The following PTGES2 variants were observed in gnomAD, a reference collection of about 807,000 sequenced individuals.
PTGES2 encodes the protein GATE-binding factor 1.
PTGES2 carries 35 observed loss-of-function variants against 44.5 expected under a neutral mutation model. The observed-to-expected ratio is 0.79, with a 90% CI of 0.60 to 1.04. The LOEUF (loss-of-function observed/expected upper bound fraction) is 1.04, where lower values mean the gene tolerates loss of function less well. PTGES2 is among the 50% of genes least tolerant of loss of function. The pLI is 0.00. For synonymous variants in PTGES2, 221 were observed against 227.5 expected (o/e 0.97, Z 0.26); for missense variants, 517 against 521.4 (o/e 0.99, Z 0.08).
intron 1 of PTGES2, among the ~76,000 whole-genome samples, chr9:128,127,191 CAAAAA>C (rs59234287): frequency 8.2e-4 from 20 of 24,492 alleles, no homozygotes; most frequent in Admixed American, 5.3e-3. Context: ...ATAAACAAAC[CAAAAA>C]AAAAAAAAAA....
At chr9:128,125,140 G>C in intron 2 of PTGES2, 104 bp downstream of exon 2, 6 of 1,069,014 alleles carry the variant, frequency 5.6e-6, no homozygotes, top group Non-Finnish European at 8.1e-6. Context: ...ACAGGCACAA[G>C]GATCACAAGT....
chr9:128,124,958 G>T, intron 2 of PTGES2: 1 of 933,958 alleles, frequency 1.1e-6, no homozygotes, highest in Non-Finnish European at 1.5e-6. Flanking sequence ...CACACAGCTA[G>T]TGAGTGGGTG....
chr9:128,124,568 G>T lies in PTGES2; in HGVS notation c.478-18C>A. 1.9e-6 allele frequency: 3 copies of T among 1,612,128 alleles called. No individual in the cohort carries two copies. The South Asian group carries it at 3.3e-5, about 18-fold the overall frequency. ...AGTTGTTGCTGGAAGAGAAAAGGGTGGTTTAATCAGAGGTTGCAACCCAGC... is the reference window on the plus strand; with the variant it reads ...AGTTGTTGCTGGAAGAGAAAAGGGTTGTTTAATCAGAGGTTGCAACCCAGC... On this transcript the variant is annotated intron_variant, in intron 2 of 6. Coordinates refer to ENST00000338961, the MANE Select transcript of PTGES2 (RefSeq NM_025072.7).
At chr9:128,124,576 C>G in intron 2 of PTGES2, 26 bp from the exon 3 acceptor site, 4 of 1,610,326 alleles carry the variant, frequency 2.5e-6, no homozygotes, top group Middle Eastern at 1.7e-4. Context: ...GTGGTTTAAT[C>G]AGAGGTTGCA....
Position 128,127,710 on chromosome 9 carries a change from G to C in PTGES2, c.8C>G (p.Pro3Arg). 6 of 1,277,224 alleles carry C rather than the reference G, an allele frequency of 4.7e-6. No individual in the cohort carries two copies. The highest frequency in any genetic ancestry group is 5.9e-6 in the Non-Finnish European group (6 of 1,013,508). 79.1% of individuals were successfully genotyped at this position (1,277,224 alleles called of 1,614,324 possible). The change falls in exon 1 of 7, where the codon CCG becomes CGG. Residue 3 changes from proline to arginine, a missense_variant. Coordinates refer to ENST00000338961, the MANE Select transcript of PTGES2 (RefSeq NM_025072.7). Reference sequence around the variant, plus strand: ...CAGCGCCCGCACCACCCGCGCAGCCGGGTCCATGTTCGCTCCGCCGGCGCC... The same window carrying C: ...CAGCGCCCGCACCACCCGCGCAGCCCGGTCCATGTTCGCTCCGCCGGCGCC... MDPAARVVRALWP... is the reference protein window; with the variant it reads MDRAARVVRALWP...
At chr9:128,126,667 T>A (rs6478819) in intron 1 of PTGES2, among the ~76,000 whole-genome samples, 143,677 of 151,738 alleles carry the variant, frequency 0.95, 68,533 homozygotes, top group Non-Finnish European at 1. Flanking sequence ...GAGACCAGCT[T>A]GGCCAACATG....
At chr9:128,127,738 G>C (rs998728980), upstream of PTGES2, 3 of 1,251,868 alleles carry the variant, frequency 2.4e-6, no homozygotes, top group Non-Finnish European at 3.0e-6. Flanking sequence ...CCGGCGCCGC[G>C]GGCGGGCGCG....
At chr9:128,124,462 T>C (rs886803230) in intron 3 of PTGES2, 30 bp downstream of exon 3, 2 of 1,609,470 alleles carry the variant, frequency 1.2e-6, no homozygotes, top group Non-Finnish European at 1.7e-6. Flanking sequence ...CCAAAAGCAA[T>C]GGCCACCTGG....
At chr9:128,127,244 C>T (rs1421600183) in intron 1 of PTGES2, among the ~76,000 whole-genome samples, 195 bp downstream of exon 1, 1 of 138,150 alleles carries the variant, frequency 7.2e-6, no homozygotes, top group Non-Finnish European at 1.5e-5. Flanking sequence ...TATGAGAACT[C>T]GAACAATTCC....
Position 128,122,359 on chromosome 9 carries a change from C to G in PTGES2, c.1005+3G>C, listed in dbSNP as rs1834442098. ...AGGCACCACCTGCCACCACCACACT[C>G]ACCAAATCAGCGAGATTCGGCTTCT... On this transcript the variant is annotated splice_donor_region_variant and intron_variant, in intron 6 of 6. Coordinates refer to ENST00000338961, the MANE Select transcript of PTGES2 (RefSeq NM_025072.7). 6.2e-7 allele frequency: 1 copy of G among 1,612,460 alleles called. No individual in the cohort carries two copies. The highest frequency in any genetic ancestry group is 8.5e-7 in the Non-Finnish European group (1 of 1,178,550).
rs759105774 is a variant in PTGES2 at position 128,122,981 on chromosome 9, G to C, written c.840C>G (p.Tyr280Ter). 37 of 1,613,922 alleles carry C rather than the reference G, an allele frequency of 2.3e-5. No individual in the cohort carries two copies. The highest frequency in any genetic ancestry group is 1.3e-5 in the Non-Finnish European group (15 of 1,180,026). The change falls in exon 5 of 7, where the codon TAC becomes TAG. Residue 280 changes from tyrosine to a stop codon, truncating the protein, a stop_gained. Transcript: ENST00000338961. LOFTEE classifies it high-confidence loss of function. ...FGAVEGAVAK[Y>*]MGAAAMYLIS... ...TGAGGTACATGGCCGCTGCACCCAT[G>C]TACTTGGCCACGGCACCCTCCACGG...
In PTGES2 at chr9:128,123,839, T is replaced by C; in HGVS notation, c.549A>G (p.Glu183=). The change falls in exon 4 of 7, where the codon GAA becomes GAG. Residue 183 remains glutamate (E), a synonymous_variant. Transcript: ENST00000338961. This position sits in a 1 kb window ranked among gnomAD's most constrained non-coding sequence, Gnocchi z 4.4. ...KTYLVSGQPL[E]EIITYYPAMK... is the part of the protein sequence containing the mutation. ...TGGCTGGGTAGTAGGTGATGATCTC[T>C]TCCAGGGGCTGCCTTCGGAGAGAGC... 6.2e-7 allele frequency: 1 copy of C among 1,613,384 alleles called. No individual in the cohort carries two copies. The highest frequency in any genetic ancestry group is 8.5e-7 in the Non-Finnish European group (1 of 1,179,484).
Position 128,121,003 on chromosome 9 carries a change from A to G in PTGES2, c.*142T>C, listed in dbSNP as rs558696738. 117 of 1,097,300 alleles carry G rather than the reference A, an allele frequency of 1.1e-4. No individual in the cohort carries two copies. The East Asian group carries it at 3.0e-3, about 28-fold the overall frequency. The allele number at this position is 1,097,300 out of a possible 1,614,324, so 68.0% of individuals were successfully genotyped here. A position where few individuals can be genotyped will look rare whatever the true frequency, so the allele number is the denominator to read the frequency against. ...GCCCCAGCAGGTGCCCTGTGTTAGA[A>G]GCGAGAGGGCTGGTGGGGGTGCGTG... On this transcript the variant is annotated 3_prime_UTR_variant, in exon 7 of 7. Coordinates refer to ENST00000338961, the MANE Select transcript of PTGES2 (RefSeq NM_025072.7).
In PTGES2 at chr9:128,123,744, T is replaced by A. The variant is rs1382907873; in HGVS notation, c.644A>T (p.Glu215Val). 2.5e-6 allele frequency: 4 copies of A among 1,613,946 alleles called. No individual in the cohort carries two copies. Among genetic ancestry groups the A allele is most frequent in the Non-Finnish European group, 3.4e-6 (4 of 1,179,948 alleles). ...FGNKYWLMLN[E>V]KEAQQVYGGK... ...ACCATACACTTGCTGGGCCTCCTTC[T>A]CGTTGAGCATGAGCCAGTACTTATT... is the stretch of plus-strand genomic sequence containing the variant. The change falls in exon 4 of 7, where the codon GAG (glutamate) becomes GTG (valine). Residue 215 changes from glutamate (E) to valine (V), a missense_variant. By Grantham distance (121) the Glu-to-Val change is moderately radical (BLOSUM62 -2). Transcript: ENST00000338961. The surrounding 1 kb of genome is among the most constrained non-coding windows in gnomAD (Gnocchi z 4.4).
chr9:128,126,366 G>C (rs73669643), intron 1 of PTGES2, among the ~76,000 whole-genome samples: 8 of 152,168 alleles, frequency 5.3e-5, no homozygotes, highest in East Asian at 3.9e-4. Flanking sequence ...TCACCACTTG[G>C]GGGGGGCACC....
chr9:128,122,586 C>A (rs1834457650), intron 5 of PTGES2, 107 bp from the exon 6 acceptor site: 2 of 915,170 alleles, frequency 2.2e-6, no homozygotes, highest in Non-Finnish European at 1.7e-6. Context: ...CAGGACGGCA[C>A]CCCAGGTGAG....
Position 128,121,222 on chromosome 9 carries a change from G to A in PTGES2, c.1057C>T (p.Leu353=), listed in dbSNP as rs780619378. Residue 353 remains leucine, a synonymous_variant, in exon 7 of 7, where the codon CTG becomes TTG. Transcript: ENST00000338961. The part of the protein sequence containing the change: ...VMEGLDAFDD[L]MQHTHIQPWY... ...GGCTGGATGTGCGTGTGCTGCATCA[G>A]GTCATCGAACGCATCCAGCCCCTCC... The A allele has an allele frequency of 3.7e-6, 6 of 1,603,372 alleles. No individual in the cohort carries two copies. Among genetic ancestry groups the A allele is most frequent in the Admixed American group, 1.7e-5 (1 of 58,678 alleles).
chr9:128,128,198 C>T (rs570961736), upstream of PTGES2: 3 of 390,782 alleles, frequency 7.7e-6, no homozygotes, highest in Admixed American at 6.0e-5. Context: ...TGCCCTCCCG[C>T]CTCATTGTCC....
chr9:128,122,390 C>T lies in PTGES2; in HGVS notation c.977G>A (p.Gly326Glu). Residue 326 changes from glycine (G) to glutamate (E), a missense_variant, in exon 6 of 7, where the codon GGG becomes GAG. By Grantham distance (98) the Gly-to-Glu change is moderately conservative. Coordinates refer to ENST00000338961, the MANE Select transcript of PTGES2 (RefSeq NM_025072.7). Reference protein sequence around the residue: ...AAVGKDRPFMGGQKPNLADLA... With the variant: ...AAVGKDRPFMEGQKPNLADLA... ...ATCAGCGAGATTCGGCTTCTGGCCC[C>T]CCATGAAGGGCCGGTCCTTGCCCAC... 1 of 1,614,180 alleles carries T rather than the reference C, an allele frequency of 6.2e-7. No individual in the cohort carries two copies. Among genetic ancestry groups the T allele is most frequent in the Non-Finnish European group, 8.5e-7 (1 of 1,179,988 alleles).
Sources: allele counts gnomAD v4.1 joint callset (sites outside exome capture counted in the v4.1 genomes callset), GRCh38; gene constraint gnomAD v4.1.1; non-coding constraint Gnocchi (gnomAD v3.1); transcripts MANE v1.5; gene names NCBI Gene and HGNC (gene_info 2026-07-23, HGNC 2026-07-21).